The following NIBAN1 variants were observed in gnomAD, a reference collection of about 807,000 sequenced individuals.
NIBAN1 encodes protein Niban 1.
Under a neutral mutation model 75.1 loss-of-function variants are expected in NIBAN1, and 81 were observed. The ratio of observed to expected loss-of-function variants is 1.08; its 90% CI spans 0.90 to 1.30. The LOEUF (loss-of-function observed/expected upper bound fraction) is 1.30, where lower values mean the gene tolerates loss of function less well. Among genes scored for constraint, NIBAN1 ranks in the 50% most tolerant of loss-of-function variants. The pLI is 0.00. For synonymous variants in NIBAN1, 436 were observed against 424.8 expected (o/e 1.03, Z -0.32); for missense variants, 1,133 against 1,128.1 (o/e 1.00, Z -0.06).
At chr1:184,910,614 T>C (rs528597886) in intron 1 of NIBAN1, among the ~76,000 whole-genome samples, 2 of 152,312 alleles carry the variant, frequency 1.3e-5, no homozygotes, top group South Asian at 4.1e-4. Flanking sequence ...AACTACATTG[T>C]CCAGAAGCCT....
chr1:184,884,758 G>C lies in NIBAN1; in HGVS notation c.476C>G (p.Pro159Arg), dbSNP rs1471893665. The C allele has an allele frequency of 6.2e-7, 1 of 1,614,052 alleles. No homozygotes were observed. Among genetic ancestry groups the C allele is most frequent in the Non-Finnish European group, 8.5e-7 (1 of 1,180,008 alleles). ...KENTQPFVVL[P>R]KEFPVYLWQP... is the part of the protein sequence containing the mutation. ...CCACAGGTACACTGGGAATTCCTTG[G>C]GCAGGACCACAAAGGGCTGAGTGTT... is the stretch of plus-strand genomic sequence containing the variant. Residue 159 changes from proline (P) to arginine (R), a missense_variant, in exon 5 of 14, where the codon CCC (proline) becomes CGC (arginine). By Grantham distance (103) the Pro-to-Arg change is moderately radical. Coordinates refer to ENST00000367511, the MANE Select transcript of NIBAN1 (RefSeq NM_052966.4).
In NIBAN1 at chr1:184,894,217, A is replaced by G; in HGVS notation, c.187-11T>C. ...AGGCGCCAATGGTGGCTTAAAGAAG[A>G]TGAATACAATTAACTATCACAACAA... On this transcript the variant is annotated splice_polypyrimidine_tract_variant and intron_variant, in intron 2 of 13. Transcript: ENST00000367511. The G allele has an allele frequency of 6.3e-7, 1 of 1,591,376 alleles. No individual in the cohort carries two copies. Among genetic ancestry groups the G allele is most frequent in the East Asian group, 2.3e-5 (1 of 44,184 alleles).
intron 1 of NIBAN1, among the ~76,000 whole-genome samples, chr1:184,957,418 C>T (rs1658518438): frequency 6.6e-6 from 1 of 152,216 alleles, no homozygotes; most frequent in Non-Finnish European, 1.5e-5. Flanking sequence ...CTAATTAGTA[C>T]TAATTACAAC....
chr1:184,912,175 C>T (rs1557911423), intron 1 of NIBAN1, among the ~76,000 whole-genome samples: 1 of 152,062 alleles, frequency 6.6e-6, no homozygotes, highest in Non-Finnish European at 1.5e-5. Context: ...TATATACACA[C>T]ATGTACATGG....
At chr1:184,960,418 A>G (rs1037507293) in intron 1 of NIBAN1, among the ~76,000 whole-genome samples, 1 of 152,182 alleles carries the variant, frequency 6.6e-6, no homozygotes, top group Non-Finnish European at 1.5e-5. Flanking sequence ...ATTTTCTAAG[A>G]TATTCATTAC....
chr1:184,907,433 A>G (rs1657133538), intron 1 of NIBAN1, among the ~76,000 whole-genome samples: 2 of 152,216 alleles, frequency 1.3e-5, no homozygotes, highest in Non-Finnish European at 2.9e-5. Context: ...GAGAAATAAG[A>G]CAAATGGTTC....
At chr1:184,895,114 T>C (rs1168260198) in intron 2 of NIBAN1, among the ~76,000 whole-genome samples, 2 of 152,190 alleles carry the variant, frequency 1.3e-5, no homozygotes, top group Non-Finnish European at 2.9e-5. Context: ...CAATCTCTTT[T>C]AAGAATAATC....
intron 9 of NIBAN1, among the ~76,000 whole-genome samples, chr1:184,813,890 C>G (rs1372097371): frequency 6.6e-6 from 1 of 152,144 alleles, no homozygotes; most frequent in African/African-American, 2.4e-5. Context: ...ACACCTAGTA[C>G]ATAATTAAAA....
chr1:184,868,812 A>T (rs1225691782), intron 5 of NIBAN1, among the ~76,000 whole-genome samples: 1 of 152,158 alleles, frequency 6.6e-6, no homozygotes, highest in Non-Finnish European at 1.5e-5. Flanking sequence ...GAGAAGACAC[A>T]TGGTACAGTA....
chr1:184,946,936 G>A (rs555751448), intron 1 of NIBAN1, among the ~76,000 whole-genome samples: 2 of 152,086 alleles, frequency 1.3e-5, no homozygotes, highest in African/African-American at 2.4e-5. Context: ...AGCTGGGCGT[G>A]GTGGTGCATG....
At chr1:184,895,986 A>G (rs1019257619) in intron 2 of NIBAN1, among the ~76,000 whole-genome samples, 17 of 152,162 alleles carry the variant, frequency 1.1e-4, no homozygotes, top group Admixed American at 1.3e-4. Flanking sequence ...GGTTGGTTCC[A>G]TGGCTTTGCT....
rs145562493 is a variant in NIBAN1, at chr1:184,882,295, A to T, written c.601+2338T>A. 5.4e-4 allele frequency among the ~76,000 whole-genome samples: 82 copies of T among 152,348 alleles called. No individual in the cohort carries two copies. The Middle Eastern group carries it at 0.01, about 19-fold the overall frequency. On this transcript the variant is annotated intron_variant, in intron 5 of 13. Coordinates refer to ENST00000367511, the MANE Select transcript of NIBAN1 (RefSeq NM_052966.4). ...TTTACTCAAAATAATACAATGAGTA[A>T]CAGGCAGAGACTAGAACAGAAAATG...
At position 184,795,880 on chromosome 1, in the gene NIBAN1, AG is replaced by A. The variant is rs762067533; in HGVS notation, c.1883del (p.Pro628LeufsTer28). 6.2e-6 allele frequency: 10 copies of A among 1,613,264 alleles called. No individual in the cohort carries two copies. Among genetic ancestry groups the A allele is most frequent in the Non-Finnish European group, 8.5e-6 (10 of 1,179,564 alleles). ...CTTTGGCCAACGAGCTAGGGACCTCAGGCTGCTTCTCTTCCTCTGACTCCTG... is the reference window on the plus strand; with the variant it reads ...CTTTGGCCAACGAGCTAGGGACCTCAGCTGCTTCTCTTCCTCTGACTCCTG... ...VFQESEEEKQ[P>X]EVPSSLAKGE... On this transcript the variant is annotated frameshift_variant, in exon 14 of 14. Coordinates refer to ENST00000367511, the MANE Select transcript of NIBAN1 (RefSeq NM_052966.4). LOFTEE classifies it low-confidence loss of function (END_TRUNC).
At chr1:184,886,066 C>T (rs1656517018) in intron 4 of NIBAN1, among the ~76,000 whole-genome samples, 1 of 152,130 alleles carries the variant, frequency 6.6e-6, no homozygotes, top group African/African-American at 2.4e-5. Flanking sequence ...ATTGTTCCTA[C>T]AGTCCATAGA....
rs570419151 is a variant in NIBAN1 at position 184,876,088 on chromosome 1, G to A, written c.601+8545C>T. 3.3e-5 allele frequency among the ~76,000 whole-genome samples: 5 copies of A among 150,876 alleles called. No individual in the cohort carries two copies. The South Asian group carries it at 1.1e-3, about 32-fold the overall frequency. ...CTCAGAAGGCTGAGGCAGGAGAATCGCTTGAACCTGGGAGGCAGAAGTTGC... is the reference window on the plus strand; with the variant it reads ...CTCAGAAGGCTGAGGCAGGAGAATCACTTGAACCTGGGAGGCAGAAGTTGC... On this transcript the variant is annotated intron_variant, in intron 5 of 13. Transcript: ENST00000367511.
chr1:184,824,984 G>A (rs1654805880), intron 6 of NIBAN1, among the ~76,000 whole-genome samples: 1 of 152,100 alleles, frequency 6.6e-6, no homozygotes, highest in South Asian at 2.1e-4. Context: ...CTCCCTCTCT[G>A]CCTTTAGTAT....
intron 5 of NIBAN1, among the ~76,000 whole-genome samples, chr1:184,842,078 A>G (rs1056092756): frequency 6.6e-6 from 1 of 152,236 alleles, no homozygotes; most frequent in African/African-American, 2.4e-5. Context: ...AACCAGCACT[A>G]GAAGGGGTGC....
chr1:184,818,998 GA>G (rs1261708009), intron 8 of NIBAN1, among the ~76,000 whole-genome samples, 173 bp from the exon 9 acceptor site: 1 of 152,108 alleles, frequency 6.6e-6, no homozygotes, highest in Non-Finnish European at 1.5e-5. Flanking sequence ...CACAAGAAAG[GA>G]AAACCACTGG....
chr1:184,946,235 C>T lies in NIBAN1; in HGVS notation c.55+28067G>A, dbSNP rs111443384. On this transcript the variant is annotated intron_variant, in intron 1 of 13. Coordinates refer to ENST00000367511, the MANE Select transcript of NIBAN1 (RefSeq NM_052966.4). ...AGGAGAACTGCTCCCCTATTACTTT[C>T]GCAATTACTTCTCTTCCAAGAATAG... 8.1e-4 allele frequency among the ~76,000 whole-genome samples: 123 copies of T among 152,256 alleles called. No homozygotes were observed. In the Middle Eastern group the frequency reaches 0.01, roughly 13 times the overall value.
Sources: allele counts gnomAD v4.1 joint callset (sites outside exome capture counted in the v4.1 genomes callset), GRCh38; gene constraint gnomAD v4.1.1; transcripts MANE v1.5; gene names NCBI Gene and HGNC (gene_info 2026-07-23, HGNC 2026-07-21).